AKR1C1: variants seen among roughly 807,000 people sequenced by gnomAD.
The protein encoded by AKR1C1 is 20 alpha-hydroxysteroid dehydrogenase.
Under a neutral mutation model 40.6 loss-of-function variants are expected in AKR1C1, and 32 were observed. The ratio of observed to expected loss-of-function variants is 0.79; its 90% CI spans 0.60 to 1.06. The LOEUF is 1.06. Ranked by LOEUF, AKR1C1 falls within the 50% of genes least tolerant of loss-of-function variation. The pLI is 0.00. For synonymous variants in AKR1C1, 105 were observed against 134.2 expected, an observed-to-expected ratio of 0.78 and a Z score of 1.50; for missense variants, 320 against 363.5, an observed-to-expected ratio of 0.88 and a Z score of 0.97.
intron 7 of AKR1C1, among the ~76,000 whole-genome samples, chr10:4,973,240 G>A (rs1202817539): frequency 6.6e-6 from 1 of 151,436 alleles, no homozygotes; most frequent in African/African-American, 2.4e-5. Flanking sequence ...CAATACCTTA[G>A]GATATAAGAC....
At position 4,965,590 on chromosome 10, in the gene AKR1C1, A is replaced by T. The variant is rs1272489973; in HGVS notation, c.85-324A>T. ...TTCCTTGTGTTAATTTTACCATACT[A>T]AAAATAATTAAGATTATATCTATAA... On this transcript the variant is annotated intron_variant, in intron 1 of 8. Coordinates refer to ENST00000380872, the MANE Select transcript of AKR1C1 (RefSeq NM_001353.6). 1.6e-5 allele frequency: 3 copies of T among 188,440 alleles called. No homozygotes were observed. In the Admixed American group the frequency reaches 1.8e-4, roughly 11 times the overall value. The allele number at this position is 188,440 out of a possible 1,614,324, so 11.7% of individuals were successfully genotyped here. A position where few individuals can be genotyped will look rare whatever the true frequency, so the allele number is the denominator to read the frequency against.
At chr10:4,975,382 T>A (rs1337827309) in intron 7 of AKR1C1, among the ~76,000 whole-genome samples, 11 of 152,378 alleles carry the variant, frequency 7.2e-5, no homozygotes, top group African/African-American at 2.4e-4. Flanking sequence ...CTTTTGAATG[T>A]GAAATCGTTA....
intron 1 of AKR1C1, 25 bp from the exon 2 acceptor site, chr10:4,965,889 A>G (rs1836323382): frequency 6.2e-7 from 1 of 1,600,056 alleles, no homozygotes; most frequent in Non-Finnish European, 8.5e-7. Context: ...TAGTCAGAAA[A>G]TACTACCTAT....
intron 3 of AKR1C1, chr10:4,967,343 C>T (rs1002999470): frequency 1.4e-4 from 158 of 1,113,748 alleles, no homozygotes; most frequent in Non-Finnish European, 1.7e-4. Context: ...CTGATTTCAC[C>T]TCTTGGGATG....
rs782566121 is a variant in AKR1C1 at position 4,972,653 on chromosome 10, A to C, written c.750A>C (p.Arg250=). ...VLCALAKKHK[R]TPALIALRYQ... ...GTGCCTTGGCAAAAAAGCACAAGCG[A>C]ACCCCAGCCCTGATTGCCCTGCGCT... Residue 250 remains arginine (R), a synonymous_variant, in exon 7 of 9, where the codon CGA becomes CGC. Transcript: ENST00000380872. The C allele has an allele frequency of 6.2e-7, 1 of 1,613,110 alleles. No homozygotes were observed. Among genetic ancestry groups the C allele is most frequent in the Admixed American group, 1.7e-5 (1 of 60,002 alleles).
intron 3 of AKR1C1, chr10:4,967,258 C>A: frequency 9.9e-7 from 1 of 1,013,444 alleles, no homozygotes; most frequent in East Asian, 3.8e-5. Flanking sequence ...GTGCAGAACT[C>A]TCAAAGCCTC....
chr10:4,974,415 C>A (rs1831992512), intron 7 of AKR1C1, among the ~76,000 whole-genome samples: 1 of 151,948 alleles, frequency 6.6e-6, no homozygotes, highest in African/African-American at 2.4e-5. Context: ...TATGTTTTCA[C>A]AAACAAAAGT....
At chr10:4,971,515 A>G (rs531304155) in intron 5 of AKR1C1, among the ~76,000 whole-genome samples, 176 of 115,874 alleles carry the variant, frequency 1.5e-3, no homozygotes, top group Middle Eastern at 7.9e-3. Flanking sequence ...TTATATATAT[A>G]TATATATAAA....
At chr10:4,968,423 T>C (rs1473763006) in intron 4 of AKR1C1, 37 bp downstream of exon 4, 4 of 1,361,862 alleles carry the variant, frequency 2.9e-6, no homozygotes, top group African/African-American at 1.4e-5. Context: ...ATAAGAAAGA[T>C]GAGGTAGGAT....
intron 5 of AKR1C1, chr10:4,969,708 G>T (rs752790834): frequency 3.7e-6 from 6 of 1,612,086 alleles, no homozygotes; most frequent in Non-Finnish European, 5.1e-6. Flanking sequence ...CTTGAGTCCT[G>T]ACTGGTGATT....
chr10:4,966,161 T>G, intron 2 of AKR1C1, 80 bp downstream of exon 2: 1 of 1,519,494 alleles, frequency 6.6e-7, no homozygotes, highest in Non-Finnish European at 8.8e-7. Flanking sequence ...ACTGGATCCA[T>G]AGTATAGGGT....
chr10:4,970,727 G>T (rs1239169761), intron 5 of AKR1C1, among the ~76,000 whole-genome samples: 1 of 147,230 alleles, frequency 6.8e-6, no homozygotes, highest in African/African-American at 2.5e-5. Flanking sequence ...ACCAAACACC[G>T]CATATTCTCA....
At chr10:4,970,240 G>A (rs758459463) in intron 5 of AKR1C1, among the ~76,000 whole-genome samples, 2 of 152,134 alleles carry the variant, frequency 1.3e-5, no homozygotes, top group Non-Finnish European at 2.9e-5. Flanking sequence ...ATCATCTATA[G>A]TGCCCTCATG....
At chr10:4,975,117 T>A (rs550161635) in intron 7 of AKR1C1, among the ~76,000 whole-genome samples, 16 of 152,018 alleles carry the variant, frequency 1.1e-4, no homozygotes, top group South Asian at 2.1e-4. Flanking sequence ...TTAATAGTTT[T>A]TGATAACTTT....
In AKR1C1 at chr10:4,977,920, T is replaced by C. The variant is rs1262543513; in HGVS notation, c.*178T>C. On this transcript the variant is annotated 3_prime_UTR_variant, in exon 9 of 9. Coordinates refer to ENST00000380872, the MANE Select transcript of AKR1C1 (RefSeq NM_001353.6). ...AAAGGAAAGACAATAATTTTGTTTTTTCATTTTGAAAAAATTAAATGCTCT... is the reference window on the plus strand; with the variant it reads ...AAAGGAAAGACAATAATTTTGTTTTCTCATTTTGAAAAAATTAAATGCTCT... 1.2e-4 allele frequency: 111 copies of C among 957,834 alleles called. No individual in the cohort carries two copies. Among genetic ancestry groups the C allele is most frequent in the Non-Finnish European group, 1.7e-4 (109 of 654,928 alleles). 59.3% of individuals were successfully genotyped at this position (957,834 alleles called of 1,614,324 possible). A position where few individuals can be genotyped will look rare whatever the true frequency, so the allele number is the denominator to read the frequency against.
Position 4,981,640 on chromosome 10 carries a change from A to G in AKR1C1, c.*3898A>G, listed in dbSNP as rs2131655717. ...CAGGCACAATCCTACTCCATGAAAT[A>G]AGAAAAAACCATCACATCCCCAGAT... On this transcript the variant is annotated 3_prime_UTR_variant, in exon 9 of 9. Transcript: ENST00000380872. 6.6e-6 allele frequency: 1 copy of G among 152,394 alleles called. No homozygotes were observed. Among genetic ancestry groups the G allele is most frequent in the East Asian group, 1.9e-4 (1 of 5,192 alleles). 9.4% of individuals were successfully genotyped at this position (152,394 alleles called of 1,614,324 possible).
chr10:4,964,847 A>C (rs1836306976), intron 1 of AKR1C1, among the ~76,000 whole-genome samples: 2 of 152,216 alleles, frequency 1.3e-5, no homozygotes, highest in Non-Finnish European at 2.9e-5. Flanking sequence ...TGTAGAAAAG[A>C]CTTGACATAA....
In AKR1C1 at chr10:4,981,910, G is replaced by C. The variant is rs1836623175; in HGVS notation, c.*4168G>C. ...GCGTGTAAGCTGATGATCTGAGGCT[G>C]GTCAGAGTTCTGTGCGCAGACTGCC... On this transcript the variant is annotated 3_prime_UTR_variant, in exon 9 of 9. Transcript: ENST00000380872. The C allele has an allele frequency of 6.6e-6, 1 of 152,234 alleles. No individual in the cohort carries two copies. The allele number at this position is 152,234 out of a possible 1,614,324, so 9.4% of individuals were successfully genotyped here. A position where few individuals can be genotyped will look rare whatever the true frequency, so the allele number is the denominator to read the frequency against.
chr10:4,970,749 G>A (rs1201137718), intron 5 of AKR1C1, among the ~76,000 whole-genome samples: 85 of 140,858 alleles, frequency 6.0e-4, no homozygotes, highest in African/African-American at 2.1e-3. Flanking sequence ...TCATAGGTGG[G>A]AATTGAACAA....
Sources: gnomAD v4.1 joint callset for allele counts (sites outside exome capture counted in the v4.1 genomes callset) on GRCh38, gnomAD v4.1.1 for gene constraint, MANE v1.5 for transcripts, NCBI Gene and HGNC (gene_info 2026-07-23, HGNC 2026-07-21) for gene names.